SFMBT2: variants seen among roughly 807,000 people sequenced by gnomAD.
SFMBT2 encodes the protein scm-like with four MBT domains protein 2.
Under a neutral mutation model 110.1 loss-of-function variants are expected in SFMBT2, and 38 were observed. That is an observed-to-expected ratio of 0.35 (90% CI 0.27 to 0.45). The LOEUF (loss-of-function observed/expected upper bound fraction) is 0.45, where lower values mean the gene tolerates loss of function less well. Ranked by LOEUF, SFMBT2 falls within the 20% of genes least tolerant of loss-of-function variation. The pLI, the probability that SFMBT2 is intolerant of heterozygous loss-of-function variation, is 1.00. For missense variants in SFMBT2, 1,011 were observed against 1,094.9 expected (o/e 0.92, Z 1.08); for synonymous variants, 425 against 425.4 (o/e 1.00, Z 0.01).
At chr10:7,317,391 G>A (rs906134810) in intron 4 of SFMBT2, among the ~76,000 whole-genome samples, 58 of 152,030 alleles carry the variant, frequency 3.8e-4, no homozygotes, top group African/African-American at 1.3e-3. Flanking sequence ...ACCTGTAATC[G>A]CAGCACTTTG....
At chr10:7,318,297 G>A (rs1474093785) in intron 4 of SFMBT2, among the ~76,000 whole-genome samples, 1 of 152,032 alleles carries the variant, frequency 6.6e-6, no homozygotes, top group Non-Finnish European at 1.5e-5. Flanking sequence ...TTAGATATTT[G>A]TTCTAAACAC....
chr10:7,322,687 A>T (rs1173805860), intron 4 of SFMBT2, among the ~76,000 whole-genome samples: 3 of 152,146 alleles, frequency 2.0e-5, no homozygotes. Context: ...GAAATGGAAG[A>T]GGGGACAGTG....
At chr10:7,276,139 C>G (rs910559429) in intron 7 of SFMBT2, among the ~76,000 whole-genome samples, 2 of 152,172 alleles carry the variant, frequency 1.3e-5, no homozygotes, top group Non-Finnish European at 2.9e-5. Context: ...AACTTGGTAG[C>G]CGTTTTGGTG....
At chr10:7,236,178 T>C (rs1362634682) in intron 9 of SFMBT2, among the ~76,000 whole-genome samples, 3 of 151,938 alleles carry the variant, frequency 2.0e-5, no homozygotes, top group African/African-American at 7.3e-5. Context: ...ACCTAGGAAA[T>C]ATTCCAAGAA....
chr10:7,382,629 A>T (rs185344145), intron 1 of SFMBT2, among the ~76,000 whole-genome samples: 1 of 151,554 alleles, frequency 6.6e-6, no homozygotes, highest in African/African-American at 2.4e-5. Context: ...ATGTAGCAGC[A>T]ACCTCCACCC....
intron 2 of SFMBT2, among the ~76,000 whole-genome samples, chr10:7,377,484 T>C (rs1845271553): frequency 6.6e-6 from 1 of 152,216 alleles, no homozygotes; most frequent in Non-Finnish European, 1.5e-5. Flanking sequence ...TACTATATAA[T>C]GAAATAATAC....
At chr10:7,289,007 A>C (rs1165120382) in intron 4 of SFMBT2, among the ~76,000 whole-genome samples, 2 of 152,036 alleles carry the variant, frequency 1.3e-5, no homozygotes, top group African/African-American at 2.4e-5. Context: ...AAAAAAAAAA[A>C]AACTAGAAAC....
chr10:7,254,551 G>A (rs1588388609), intron 7 of SFMBT2, among the ~76,000 whole-genome samples: 1 of 152,178 alleles, frequency 6.6e-6, no homozygotes, highest in Non-Finnish European at 1.5e-5. Flanking sequence ...GCCAGGCGCG[G>A]TGGCTCACAT....
chr10:7,284,505 G>C, intron 5 of SFMBT2: 12 of 806,236 alleles, frequency 1.5e-5, no homozygotes, highest in Non-Finnish European at 1.8e-5. Flanking sequence ...CCTGGACCTA[G>C]AAAACGTGGT....
intron 6 of SFMBT2, among the ~76,000 whole-genome samples, chr10:7,282,544 G>T (rs12241346): frequency 6.6e-6 from 1 of 152,218 alleles, no homozygotes; most frequent in African/African-American, 2.4e-5. Flanking sequence ...CAGGCTCTTT[G>T]TTTGTCATCA....
intron 11 of SFMBT2, among the ~76,000 whole-genome samples, chr10:7,216,101 G>A (rs1352881549): frequency 3.3e-5 from 5 of 152,178 alleles, no homozygotes; most frequent in Admixed American, 6.5e-5. Flanking sequence ...CTTAAGCAAC[G>A]TGCTCAAGGC....
intron 20 of SFMBT2, among the ~76,000 whole-genome samples, chr10:7,169,103 C>T (rs2692768): frequency 1.3e-5 from 2 of 152,076 alleles, no homozygotes; most frequent in African/African-American, 4.8e-5. Context: ...GCTGGGATTA[C>T]AGGCACCCAC....
At chr10:7,240,955 C>T (rs1840411148) in intron 9 of SFMBT2, among the ~76,000 whole-genome samples, 1 of 152,020 alleles carries the variant, frequency 6.6e-6, no homozygotes, top group Admixed American at 6.6e-5. Context: ...GTGTCCTCAC[C>T]CAAATCTCAT....
intron 16 of SFMBT2, among the ~76,000 whole-genome samples, chr10:7,177,115 C>G (rs1411983878): frequency 1.3e-5 from 2 of 152,172 alleles, no homozygotes; most frequent in African/African-American, 4.8e-5. Context: ...GTTGCTTTCT[C>G]CGAAGCAGTA....
intron 9 of SFMBT2, among the ~76,000 whole-genome samples, chr10:7,236,804 A>T (rs4546991): frequency 0.26 from 39,454 of 152,126 alleles, 5,314 homozygotes; most frequent in South Asian, 0.38. Flanking sequence ...TCAATATGCC[A>T]TTAAAAAAAA....
intron 7 of SFMBT2, among the ~76,000 whole-genome samples, chr10:7,256,964 C>T (rs1588390709): frequency 1.3e-5 from 2 of 151,734 alleles, no homozygotes; most frequent in African/African-American, 2.4e-5. Flanking sequence ...TGGCGGTGGG[C>T]GCCTGTAATC....
intron 8 of SFMBT2, among the ~76,000 whole-genome samples, chr10:7,245,077 C>T (rs1325531933): frequency 6.6e-6 from 1 of 152,150 alleles, no homozygotes; most frequent in Admixed American, 6.5e-5. Flanking sequence ...AGCCAAGTGC[C>T]TACCAACAGG....
chr10:7,181,291 T>C (rs1048048891), intron 16 of SFMBT2, among the ~76,000 whole-genome samples: 1 of 149,944 alleles, frequency 6.7e-6, no homozygotes, highest in Admixed American at 6.6e-5. Flanking sequence ...AATCTGAAAT[T>C]CAAAATACTC....
At chr10:7,311,651 A>C (rs1288556233) in intron 4 of SFMBT2, among the ~76,000 whole-genome samples, 1 of 152,268 alleles carries the variant, frequency 6.6e-6, no homozygotes, top group African/African-American at 2.4e-5. Context: ...TCATGTTGAC[A>C]AAAAGAAAAA....
Sources: allele counts gnomAD v4.1 joint callset (sites outside exome capture counted in the v4.1 genomes callset), GRCh38; gene constraint gnomAD v4.1.1; transcripts MANE v1.5; gene names NCBI Gene and HGNC (gene_info 2026-07-23, HGNC 2026-07-21).